LRRTM4: variants seen among roughly 807,000 people sequenced by gnomAD.
The protein encoded by LRRTM4 is leucine rich repeat transmembrane neuronal 4, also known as leucine-rich repeat transmembrane neuronal protein 4.
Under a neutral mutation model 47.6 loss-of-function variants are expected in LRRTM4, and 25 were observed. That is an observed-to-expected ratio of 0.53 (90% CI 0.38 to 0.73). The LOEUF (loss-of-function observed/expected upper bound fraction) is 0.73, where lower values mean the gene tolerates loss of function less well. LRRTM4 is among the 30% of genes least tolerant of loss of function. LRRTM4 has a pLI of 0.00. For missense variants in LRRTM4, 638 were observed against 713.4 expected (o/e 0.89, Z 1.20); for synonymous variants, 311 against 269.5 (o/e 1.15, Z -1.51).
At chr2:76,904,891 G>C (rs995732491) in intron 3 of LRRTM4, among the ~76,000 whole-genome samples, 2 of 152,186 alleles carry the variant, frequency 1.3e-5, no homozygotes, top group Admixed American at 1.3e-4. Flanking sequence ...TGGGGGAGGA[G>C]CCAAGATGGC....
chr2:76,795,101 G>C (rs1573116162), intron 3 of LRRTM4, among the ~76,000 whole-genome samples: 1 of 151,966 alleles, frequency 6.6e-6, no homozygotes, highest in East Asian at 1.9e-4. Context: ...GATATGACAT[G>C]CTCAATACCG....
chr2:77,377,708 C>T (rs990792931), intron 3 of LRRTM4, among the ~76,000 whole-genome samples: 1 of 151,886 alleles, frequency 6.6e-6, no homozygotes, highest in African/African-American at 2.4e-5. Context: ...TTATAAAATC[C>T]TTTTCTGAAT....
intron 3 of LRRTM4, among the ~76,000 whole-genome samples, chr2:76,751,650 A>G (rs1672852226): frequency 6.6e-6 from 1 of 152,072 alleles, no homozygotes; most frequent in African/African-American, 2.4e-5. Flanking sequence ...ACCTCTTTCA[A>G]TCAGTACAGG....
At chr2:76,876,899 G>T (rs1488806160) in intron 3 of LRRTM4, among the ~76,000 whole-genome samples, 1 of 152,052 alleles carries the variant, frequency 6.6e-6, no homozygotes, top group South Asian at 2.1e-4. Flanking sequence ...AGATGATGAT[G>T]AAGTGAGAGT....
At chr2:77,427,883 T>C (rs922644498) in intron 3 of LRRTM4, among the ~76,000 whole-genome samples, 9 of 152,168 alleles carry the variant, frequency 5.9e-5, no homozygotes, top group African/African-American at 2.2e-4. Flanking sequence ...TTGCCAACTT[T>C]CCCATTTACC....
At chr2:77,090,726 G>T (rs1305925151) in intron 3 of LRRTM4, among the ~76,000 whole-genome samples, 1 of 152,122 alleles carries the variant, frequency 6.6e-6, no homozygotes, top group Non-Finnish European at 1.5e-5. Context: ...TGTCCCATTT[G>T]TGCCAGACCC....
At chr2:77,432,186 C>A (rs888356507) in intron 3 of LRRTM4, among the ~76,000 whole-genome samples, 3 of 152,190 alleles carry the variant, frequency 2.0e-5, no homozygotes, top group African/African-American at 7.2e-5. Context: ...TTTGACTCAA[C>A]TTCTTGCTTT....
At chr2:77,027,721 G>T (rs1678503415) in intron 3 of LRRTM4, among the ~76,000 whole-genome samples, 1 of 151,986 alleles carries the variant, frequency 6.6e-6, no homozygotes, top group South Asian at 2.1e-4. Flanking sequence ...TGACTGTTTG[G>T]CTTTTAAATA....
intron 3 of LRRTM4, among the ~76,000 whole-genome samples, chr2:77,041,759 G>A (rs1248432753): frequency 4.8e-5 from 7 of 145,376 alleles, no homozygotes; most frequent in Non-Finnish European, 1.1e-4. Context: ...CTTTTTGCTA[G>A]TGAATTGTTT....
chr2:76,859,723 C>A (rs372579361), intron 3 of LRRTM4, among the ~76,000 whole-genome samples: 5 of 152,044 alleles, frequency 3.3e-5, no homozygotes, highest in African/African-American at 1.2e-4. Flanking sequence ...AGTTTCCTAG[C>A]TCCATAAGCT....
At chr2:76,985,622 C>T (rs1440145707) in intron 3 of LRRTM4, among the ~76,000 whole-genome samples, 1 of 151,872 alleles carries the variant, frequency 6.6e-6, no homozygotes, top group Non-Finnish European at 1.5e-5. Flanking sequence ...AATGTCTTGC[C>T]GCATGATTTG....
intron 3 of LRRTM4, among the ~76,000 whole-genome samples, chr2:76,992,952 A>G (rs1485993233): frequency 6.6e-6 from 1 of 151,746 alleles, no homozygotes; most frequent in Non-Finnish European, 1.5e-5. Flanking sequence ...CACATTAGAA[A>G]ACCCAGAAAT....
chr2:77,221,675 A>G (rs1308333899), intron 3 of LRRTM4, among the ~76,000 whole-genome samples: 4 of 151,994 alleles, frequency 2.6e-5, no homozygotes, highest in Admixed American at 2.6e-4. Context: ...ATATATATGC[A>G]CCCAATACAG....
chr2:77,077,401 C>T (rs1680373476), intron 3 of LRRTM4, among the ~76,000 whole-genome samples: 1 of 152,054 alleles, frequency 6.6e-6, no homozygotes, highest in South Asian at 2.1e-4. Flanking sequence ...ATAGATAGTA[C>T]AAGTCAGACA....
intron 3 of LRRTM4, among the ~76,000 whole-genome samples, chr2:77,088,049 G>A (rs1680783907): frequency 6.6e-6 from 1 of 152,170 alleles, no homozygotes; most frequent in Non-Finnish European, 1.5e-5. Context: ...AAGTAAGTGT[G>A]CTGAATGTGT....
At chr2:77,480,822 GGAGAGAGAGAGAGAGA>G (rs67377276) in intron 3 of LRRTM4, among the ~76,000 whole-genome samples, 5,445 of 74,428 alleles carry the variant, frequency 0.073, 198 homozygotes, top group Middle Eastern at 0.2. Flanking sequence ...GTGTGTGTGT[GGAGAGAGAGAGAGAGA>G]GAGAGAGAGA....
At chr2:76,906,348 G>A (rs562747459) in intron 3 of LRRTM4, among the ~76,000 whole-genome samples, 15 of 152,086 alleles carry the variant, frequency 9.9e-5, no homozygotes, top group African/African-American at 2.9e-4. Flanking sequence ...TGAAGGAAGC[G>A]CTAAACGTGG....
chr2:77,079,599 T>G (rs1296680674), intron 3 of LRRTM4, among the ~76,000 whole-genome samples: 2 of 152,178 alleles, frequency 1.3e-5, no homozygotes, highest in South Asian at 4.1e-4. Flanking sequence ...CTTCTTCCAT[T>G]TGGCCCAATG....
intron 3 of LRRTM4, among the ~76,000 whole-genome samples, chr2:77,062,869 C>G (rs1357644949): frequency 1.3e-5 from 2 of 151,896 alleles, no homozygotes; most frequent in African/African-American, 2.4e-5. Flanking sequence ...TCATTGTTGT[C>G]AGTGCAAATT....
Sources: allele counts gnomAD v4.1 joint callset (sites outside exome capture counted in the v4.1 genomes callset), GRCh38; gene constraint gnomAD v4.1.1; transcripts MANE v1.5; gene names NCBI Gene and HGNC (gene_info 2026-07-23, HGNC 2026-07-21).